PIK3C2G: variants seen among roughly 807,000 people sequenced by gnomAD.
PIK3C2G encodes phosphatidylinositol-4-phosphate 3-kinase catalytic subunit type 2 gamma, also known as phosphatidylinositol 3-kinase C2 domain-containing subunit gamma.
A neutral mutation model predicts 181.1 loss-of-function variants in PIK3C2G; 168 were observed. That is an observed-to-expected ratio of 0.93 (90% CI 0.82 to 1.05). The LOEUF is 1.05. Among genes scored for constraint, PIK3C2G ranks in the 50% least tolerant of loss-of-function variants. PIK3C2G has a pLI of 0.00. For missense variants in PIK3C2G, 1,869 were observed against 1,732.8 expected (o/e 1.08, Z -1.40); for synonymous variants, 573 against 592.2 (o/e 0.97, Z 0.47).
At chr12:18,256,130 A>G (rs1224710378) in intron 1 of PIK3C2G, among the ~76,000 whole-genome samples, 1 of 152,118 alleles carries the variant, frequency 6.6e-6, no homozygotes, top group East Asian at 1.9e-4. Flanking sequence ...TTATTTTGTA[A>G]GAAAGAACTA....
chr12:18,479,572 C>G (rs139291068), intron 18 of PIK3C2G, among the ~76,000 whole-genome samples: 7 of 152,232 alleles, frequency 4.6e-5, no homozygotes, highest in African/African-American at 1.7e-4. Flanking sequence ...ACACCTGGCA[C>G]AGAGTAAATG....
chr12:18,538,030 A>G (rs907027920), intron 24 of PIK3C2G, 126 bp from the exon 25 acceptor site: 4 of 803,010 alleles, frequency 5.0e-6, no homozygotes, highest in Non-Finnish European at 5.9e-6. Flanking sequence ...AATGAAGGAA[A>G]TTTATCTATT....
At chr12:18,696,217 G>A in the PIK3C2G span, 3 of 1,599,534 alleles carry the variant, frequency 1.9e-6, no homozygotes, top group Non-Finnish European at 2.6e-6. Flanking sequence ...TTGTTGCTTT[G>A]GGATATATTC....
At chr12:18,566,866 C>T in intron 28 of PIK3C2G, 83 bp from the exon 29 acceptor site, 1 of 751,672 alleles carries the variant, frequency 1.3e-6, no homozygotes, top group South Asian at 1.5e-5. Flanking sequence ...CCATCTGATA[C>T]AGCTGTAACT....
In PIK3C2G at chr12:18,381,848, G is replaced by A. The variant is rs764184362; in HGVS notation, c.1963G>A (p.Asp655Asn). 2.4e-5 allele frequency: 38 copies of A among 1,613,198 alleles called. No individual in the cohort carries two copies. The Middle Eastern group carries it at 4.9e-4, about 21-fold the overall frequency. ...PVEMITPGVW[D>N]VSQPSPVTLQ... ...AGAAATGATAACTCCAGGAGTGTGG[G>A]ATGTAAGTCAGCCATCCCCGGTGAC... The change falls in exon 14 of 33, where the codon GAT becomes AAT. Residue 655 changes from aspartate to asparagine, a missense_variant. Transcript: ENST00000538779.
At chr12:18,656,809 T>C in the PIK3C2G span, among the ~76,000 whole-genome samples, 1 of 152,074 alleles carries the variant, frequency 6.6e-6, no homozygotes, top group African/African-American at 2.4e-5. Flanking sequence ...ATCAACTTTA[T>C]TAGAACAATT....
intron 32 of PIK3C2G, among the ~76,000 whole-genome samples, chr12:18,641,226 C>T (rs1949821737): frequency 6.6e-6 from 1 of 152,158 alleles, no homozygotes; most frequent in Admixed American, 6.5e-5. Flanking sequence ...TTTTCTTTCC[C>T]TCACTATCAC....
At chr12:18,547,460 T>A (rs1944493168) in intron 26 of PIK3C2G, among the ~76,000 whole-genome samples, 1 of 151,942 alleles carries the variant, frequency 6.6e-6, no homozygotes, top group Non-Finnish European at 1.5e-5. Context: ...GGAAGAGCCT[T>A]TATAGTTTAT....
At chr12:18,379,710 C>G (rs1018971338) in intron 13 of PIK3C2G, among the ~76,000 whole-genome samples, 1 of 152,178 alleles carries the variant, frequency 6.6e-6, no homozygotes, top group South Asian at 2.1e-4. Context: ...CAGCTCATGA[C>G]TGGGGCTCCC....
intron 30 of PIK3C2G, among the ~76,000 whole-genome samples, chr12:18,598,697 C>A (rs1359378837): frequency 6.8e-6 from 1 of 146,012 alleles, no homozygotes; most frequent in Non-Finnish European, 1.5e-5. Context: ...AAACTACCAT[C>A]AGAGTGAACA....
At chr12:18,707,096 C>T in the PIK3C2G span, among the ~76,000 whole-genome samples, 40 of 152,304 alleles carry the variant, frequency 2.6e-4, no homozygotes, top group African/African-American at 9.6e-4. Flanking sequence ...TATAAAAGTC[C>T]TTATGATGGT....
At chr12:18,435,822 T>C (rs1175779307) in intron 18 of PIK3C2G, among the ~76,000 whole-genome samples, 2 of 152,088 alleles carry the variant, frequency 1.3e-5, no homozygotes, top group Non-Finnish European at 2.9e-5. Context: ...CAAGATTTTA[T>C]CCTCTTTGAA....
intron 2 of PIK3C2G, among the ~76,000 whole-genome samples, chr12:18,283,858 G>A (rs1159968495): frequency 1.3e-5 from 2 of 152,072 alleles, no homozygotes; most frequent in Non-Finnish European, 2.9e-5. Context: ...TGAAGGTGTT[G>A]AATAGGCAGT....
At chr12:18,447,986 C>T (rs1242501788) in intron 18 of PIK3C2G, among the ~76,000 whole-genome samples, 2 of 152,050 alleles carry the variant, frequency 1.3e-5, no homozygotes, top group African/African-American at 4.8e-5. Flanking sequence ...GTGATAGATT[C>T]TTCCTGGCAA....
chr12:18,534,552 A>C (rs1943738156), intron 24 of PIK3C2G, among the ~76,000 whole-genome samples: 1 of 152,236 alleles, frequency 6.6e-6, no homozygotes, highest in East Asian at 1.9e-4. Context: ...GCTCTTCACT[A>C]TATGAGCTAT....
At chr12:18,550,725 A>T (rs1168287195) in intron 26 of PIK3C2G, among the ~76,000 whole-genome samples, 1 of 152,036 alleles carries the variant, frequency 6.6e-6, no homozygotes, top group Non-Finnish European at 1.5e-5. Context: ...TTGTGATACA[A>T]CTACTAAGTT....
rs376768368 is a variant in PIK3C2G at position 18,594,997 on chromosome 12, T to G, written c.4087+428T>G. On this transcript the variant is annotated intron_variant, in intron 30 of 32. Coordinates refer to ENST00000538779, the MANE Select transcript of PIK3C2G (RefSeq NM_001288772.2). ...AATGGTTGAGAACTTTTTTTATTTCTTACATCATAGAATATTCAAGATTTG... is the reference window on the plus strand; with the variant it reads ...AATGGTTGAGAACTTTTTTTATTTCGTACATCATAGAATATTCAAGATTTG... 2.0e-4 allele frequency among the ~76,000 whole-genome samples: 31 copies of G among 152,200 alleles called. No individual in the cohort carries two copies. In the East Asian group the frequency reaches 2.3e-3, roughly 11 times the overall value.
intron 26 of PIK3C2G, among the ~76,000 whole-genome samples, chr12:18,555,170 T>A (rs1030890906): frequency 2.0e-5 from 3 of 152,136 alleles, no homozygotes; most frequent in Non-Finnish European, 4.4e-5. Context: ...GCCAAATATA[T>A]GAACAATTTA....
intron 13 of PIK3C2G, among the ~76,000 whole-genome samples, chr12:18,375,606 G>C (rs1340498895): frequency 6.6e-6 from 1 of 152,164 alleles, no homozygotes; most frequent in Non-Finnish European, 1.5e-5. Context: ...AATGGACTTG[G>C]AGCAACCACT....
Sources: allele counts gnomAD v4.1 joint callset (sites outside exome capture counted in the v4.1 genomes callset), GRCh38; gene constraint gnomAD v4.1.1; transcripts MANE v1.5; gene names NCBI Gene and HGNC (gene_info 2026-07-23, HGNC 2026-07-21).